Variants in CROT observed in about 807,000 individuals in gnomAD.
CROT encodes carnitine O-octanoyltransferase.
In CROT, 84 loss-of-function variants were observed where a neutral mutation model predicts 89.2. The observed-to-expected ratio is 0.94, with a 90% CI of 0.79 to 1.13. The LOEUF is 1.13. Among genes scored for constraint, CROT ranks in the 50% most tolerant of loss-of-function variants. The probability of loss-of-function intolerance (pLI) is 0.00; values close to 1 mark genes in which losing one functional copy is unlikely to be tolerated. For missense variants in CROT, 711 were observed against 727.8 expected (o/e 0.98, Z 0.27); for synonymous variants, 212 against 239.5 (o/e 0.89, Z 1.06).
At chr7:87,349,441 C>T (rs78585286) in intron 3 of CROT, among the ~76,000 whole-genome samples, 222 of 152,148 alleles carry the variant, frequency 1.5e-3, no homozygotes, top group African/African-American at 5.3e-3. Flanking sequence ...GGGGTCTTAT[C>T]GATGTAAAGA....
intron 6 of CROT, among the ~76,000 whole-genome samples, chr7:87,364,969 G>A (rs1476509517): frequency 6.6e-6 from 1 of 152,174 alleles, no homozygotes; most frequent in African/African-American, 2.4e-5. Context: ...TTTTTGGAAA[G>A]TGGAAAAAAC....
At chr7:87,366,097 C>T (rs888045509) in intron 6 of CROT, among the ~76,000 whole-genome samples, 34 of 152,276 alleles carry the variant, frequency 2.2e-4, no homozygotes, top group African/African-American at 7.9e-4. Context: ...TCTACCCTCA[C>T]GACTTCCCCA....
At chr7:87,359,619 A>G in intron 4 of CROT, 1 of 1,146,782 alleles carries the variant, frequency 8.7e-7, no homozygotes, top group Non-Finnish European at 1.1e-6. Context: ...GCTGCAGGTA[A>G]TCTGTAGACC....
rs1467454290 is a variant in CROT, at chr7:87,359,233, A to G, written c.143A>G (p.Tyr48Cys). The G allele has an allele frequency of 1.3e-6, 2 of 1,588,262 alleles. No homozygotes were observed. Among genetic ancestry groups the G allele is most frequent in the Non-Finnish European group, 1.7e-6 (2 of 1,159,862 alleles). The part of the protein sequence containing the change: ...SVKPFANQEE[Y>C]KKTEEIVQKF... The stretch of plus-strand genomic sequence containing the variant: ...AAACCATTTGCAAATCAAGAAGAAT[A>G]TAAGAAAACTGAAGAAATAGTTCAA... The change falls in exon 4 of 18, where the codon TAT becomes TGT. Residue 48 changes from tyrosine (Y) to cysteine (C), a missense_variant. Coordinates refer to ENST00000331536, the MANE Select transcript of CROT (RefSeq NM_021151.4).
At chr7:87,370,209 A>T (rs549731047) in intron 7 of CROT, among the ~76,000 whole-genome samples, 1 of 152,180 alleles carries the variant, frequency 6.6e-6, no homozygotes, top group Non-Finnish European at 1.5e-5. Flanking sequence ...TTTGAGACAG[A>T]GTCTTGCTTT....
intron 4 of CROT, among the ~76,000 whole-genome samples, chr7:87,361,163 A>G (rs940848704): frequency 1.3e-5 from 2 of 149,218 alleles, no homozygotes; most frequent in African/African-American, 5.0e-5. Context: ...GGGTCTTTCT[A>G]TGTTGCCCAG....
At chr7:87,387,230 A>G (rs1003748472) in intron 13 of CROT, among the ~76,000 whole-genome samples, 1 of 152,030 alleles carries the variant, frequency 6.6e-6, no homozygotes, top group Non-Finnish European at 1.5e-5. Context: ...CTACTCTGCC[A>G]TTATGGTAAC....
chr7:87,359,176 A>G, intron 3 of CROT, 30 bp from the exon 4 acceptor site: 1 of 1,469,888 alleles, frequency 6.8e-7, no homozygotes, highest in Non-Finnish European at 9.5e-7. Context: ...ACTTGGTCTA[A>G]ATACCTTAAT....
rs113743901 is a variant in CROT, at chr7:87,352,724, T to C, written c.115+3541T>C. ...TCAAATTATAGAGGAAAACAAAACATAAGGAATTAATGTTTTAAACAAAAA... is the reference window on the plus strand; with the variant it reads ...TCAAATTATAGAGGAAAACAAAACACAAGGAATTAATGTTTTAAACAAAAA... On this transcript the variant is annotated intron_variant, in intron 3 of 17. Coordinates refer to ENST00000331536, the MANE Select transcript of CROT (RefSeq NM_021151.4). 8.5e-4 allele frequency among the ~76,000 whole-genome samples: 130 copies of C among 152,220 alleles called. 2 individuals are homozygous for C. Among genetic ancestry groups the C allele is most frequent in the African/African-American group, 2.1e-3 (88 of 41,540 alleles).
At chr7:87,376,871 C>CT (rs1326944635) in intron 9 of CROT, among the ~76,000 whole-genome samples, 7 of 152,058 alleles carry the variant, frequency 4.6e-5, no homozygotes, top group Middle Eastern at 6.8e-3. Context: ...TTTTATTCTC[C>CT]TTTTTTGTAA....
chr7:87,372,787 T>C (rs886796934), intron 7 of CROT, among the ~76,000 whole-genome samples: 1 of 152,164 alleles, frequency 6.6e-6, no homozygotes, highest in East Asian at 1.9e-4. Context: ...ATGAATACTT[T>C]ATTCCTTTTT....
At chr7:87,382,291 G>T (rs1178365296) in intron 12 of CROT, 110 bp downstream of exon 12, 3 of 1,402,012 alleles carry the variant, frequency 2.1e-6, no homozygotes, top group Admixed American at 2.0e-5. Context: ...TTAAAATTAT[G>T]CCTTTAACAC....
chr7:87,353,148 T>C (rs114737983), intron 3 of CROT, among the ~76,000 whole-genome samples: 347 of 152,234 alleles, frequency 2.3e-3, no homozygotes, highest in African/African-American at 7.9e-3. Context: ...TTTTTTCTTT[T>C]ATTTTTCTTT....
chr7:87,355,687 G>A (rs1584621064), intron 3 of CROT, among the ~76,000 whole-genome samples: 2 of 152,058 alleles, frequency 1.3e-5, no homozygotes, highest in Non-Finnish European at 2.9e-5. Context: ...AATAACAGCC[G>A]ATTAAGAAAC....
intron 7 of CROT, 117 bp downstream of exon 7, chr7:87,369,601 C>T (rs1376142611): frequency 2.4e-6 from 1 of 412,766 alleles, no homozygotes; most frequent in Non-Finnish European, 4.2e-6. Context: ...GAATTTTATG[C>T]ATGCTTTTTT....
At chr7:87,372,191 C>T (rs552226408) in intron 7 of CROT, among the ~76,000 whole-genome samples, 1 of 152,114 alleles carries the variant, frequency 6.6e-6, no homozygotes, top group African/African-American at 2.4e-5. Flanking sequence ...GGCTATTTTA[C>T]TTTATCCTTA....
chr7:87,354,244 A>G (rs1023774342), intron 3 of CROT, among the ~76,000 whole-genome samples: 2 of 152,238 alleles, frequency 1.3e-5, no homozygotes, highest in African/African-American at 4.8e-5. Flanking sequence ...AACCAAAAAA[A>G]CCTAATAAAG....
chr7:87,386,356 G>T (rs1244503818), intron 13 of CROT, among the ~76,000 whole-genome samples: 3 of 152,044 alleles, frequency 2.0e-5, no homozygotes, highest in African/African-American at 7.2e-5. Flanking sequence ...TTATTGGTCT[G>T]TTTGGGTTTT....
At chr7:87,369,806 C>T (rs930275242) in intron 7 of CROT, 2 of 148,724 alleles carry the variant, frequency 1.3e-5, no homozygotes, top group African/African-American at 4.9e-5. Flanking sequence ...ACATGTATAC[C>T]TAGCTTAAAA....
Sources: gnomAD v4.1 joint callset for allele counts (sites outside exome capture counted in the v4.1 genomes callset) on GRCh38, gnomAD v4.1.1 for gene constraint, MANE v1.5 for transcripts, NCBI Gene and HGNC (gene_info 2026-07-23, HGNC 2026-07-21) for gene names.